Variants in CMSS1 observed in about 807,000 individuals in gnomAD.
CMSS1 encodes the protein protein CMSS1.
A neutral mutation model predicts 43.5 loss-of-function variants in CMSS1; 33 were observed. The observed-to-expected ratio is 0.76, with a 90% CI of 0.57 to 1.01. The LOEUF (loss-of-function observed/expected upper bound fraction) is 1.01, where lower values mean the gene tolerates loss of function less well. Among genes scored for constraint, CMSS1 ranks in the 50% least tolerant of loss-of-function variants. The pLI is 0.00. For missense variants in CMSS1, 313 were observed against 326.4 expected (o/e 0.96, Z 0.32); for synonymous variants, 115 against 117.2 (o/e 0.98, Z 0.12).
At chr3:100,055,934 A>G (rs2065457058) in intron 1 of CMSS1, among the ~76,000 whole-genome samples, 1 of 152,128 alleles carries the variant, frequency 6.6e-6, no homozygotes, top group African/African-American at 2.4e-5. Flanking sequence ...TTCTGATAGG[A>G]TAGATTGTAT....
intron 8 of CMSS1, among the ~76,000 whole-genome samples, chr3:100,173,361 A>T (rs1476455731): frequency 6.6e-6 from 1 of 152,184 alleles, no homozygotes; most frequent in Non-Finnish European, 1.5e-5. Flanking sequence ...TTTAGCACTC[A>T]CAGCATCCTT....
chr3:100,067,145 C>T (rs541799590), intron 1 of CMSS1, among the ~76,000 whole-genome samples: 38 of 151,502 alleles, frequency 2.5e-4, no homozygotes, highest in African/African-American at 9.2e-4. Flanking sequence ...AACTCTGAAG[C>T]CCTGGCTATG....
intron 1 of CMSS1, among the ~76,000 whole-genome samples, chr3:99,929,117 A>T (rs1320194336): frequency 6.6e-6 from 1 of 152,244 alleles, no homozygotes; most frequent in African/African-American, 2.4e-5. Context: ...AAAATGAAAA[A>T]TTATGAAATT....
At chr3:100,171,442 A>G (rs984250535) in intron 6 of CMSS1, among the ~76,000 whole-genome samples, 18 of 152,072 alleles carry the variant, frequency 1.2e-4, no homozygotes, top group African/African-American at 4.3e-4. Context: ...ACGAGCTGAC[A>G]TCACCGCTCC....
intron 1 of CMSS1, among the ~76,000 whole-genome samples, chr3:100,046,524 TC>T (rs1030064893): frequency 4.2e-4 from 64 of 152,142 alleles, no homozygotes; most frequent in African/African-American, 1.4e-3. Flanking sequence ...AATCTAGAAT[TC>T]CCCAACTCCC....
At chr3:100,119,582 G>T (rs147253399) in intron 1 of CMSS1, among the ~76,000 whole-genome samples, 1 of 152,188 alleles carries the variant, frequency 6.6e-6, no homozygotes, top group Non-Finnish European at 1.5e-5. Flanking sequence ...ACACATCATA[G>T]AATTGATGCA....
chr3:100,085,374 GA>G (rs2065991503), intron 1 of CMSS1, among the ~76,000 whole-genome samples: 1 of 152,066 alleles, frequency 6.6e-6, no homozygotes, highest in African/African-American at 2.4e-5. Flanking sequence ...CTCATGTAGG[GA>G]AAAATGACTG....
At chr3:100,171,286 G>A (rs1201025413) in intron 6 of CMSS1, among the ~76,000 whole-genome samples, 4 of 151,918 alleles carry the variant, frequency 2.6e-5, no homozygotes, top group Non-Finnish European at 4.4e-5. Flanking sequence ...ATTTTATAGA[G>A]GAATTTAGTC....
At chr3:100,123,718 C>G (rs73144470) in intron 1 of CMSS1, among the ~76,000 whole-genome samples, 5,071 of 152,258 alleles carry the variant, frequency 0.033, 148 homozygotes, top group East Asian at 0.17. Context: ...AAGCATTTCT[C>G]TCTGCCTGAT....
At chr3:100,087,962 C>CT (rs944694149) in intron 1 of CMSS1, among the ~76,000 whole-genome samples, 4 of 151,512 alleles carry the variant, frequency 2.6e-5, no homozygotes, top group African/African-American at 9.7e-5. Context: ...TCTCAAGTAG[C>CT]TGGGATTACA....
chr3:100,165,338 T>C (rs2067057405), intron 4 of CMSS1, among the ~76,000 whole-genome samples: 1 of 152,196 alleles, frequency 6.6e-6, no homozygotes, highest in Non-Finnish European at 1.5e-5. Flanking sequence ...TATATTGTTT[T>C]TTATTGTATT....
intron 1 of CMSS1, among the ~76,000 whole-genome samples, chr3:99,958,033 G>A (rs1576600651): frequency 6.8e-6 from 1 of 147,994 alleles, no homozygotes; most frequent in Admixed American, 6.7e-5. Flanking sequence ...TTATATAAAG[G>A]CTCAATGGGC....
In CMSS1 at chr3:99,924,210, T is replaced by A. The variant is rs1167290420; in HGVS notation, c.64+106167T>A. ...TCATAGATTGCAGAATGGGACATTGTTTGCCCAAAGCAGCCTTACCTTTCA... is the reference window on the plus strand; with the variant it reads ...TCATAGATTGCAGAATGGGACATTGATTGCCCAAAGCAGCCTTACCTTTCA... On this transcript the variant is annotated intron_variant, in intron 1 of 9. Transcript: ENST00000421999. 3 of 1,607,234 alleles carry A rather than the reference T, an allele frequency of 1.9e-6. No individual in the cohort carries two copies. In the East Asian group the frequency reaches 6.7e-5, roughly 36 times the overall value.
At chr3:100,096,164 A>G (rs186301240) in intron 1 of CMSS1, among the ~76,000 whole-genome samples, 36 of 152,302 alleles carry the variant, frequency 2.4e-4, no homozygotes, top group South Asian at 2.3e-3. Context: ...TGTTGGTGGG[A>G]ATGAAAATTG....
At chr3:99,914,760 G>A (rs530386109) in intron 1 of CMSS1, among the ~76,000 whole-genome samples, 1 of 152,232 alleles carries the variant, frequency 6.6e-6, no homozygotes, top group Admixed American at 6.5e-5. Flanking sequence ...TCATTGGAAT[G>A]TGAGGCCATT....
chr3:99,991,916 G>GTA (rs1196916188), intron 1 of CMSS1, among the ~76,000 whole-genome samples: 4 of 142,556 alleles, frequency 2.8e-5, no homozygotes, highest in Non-Finnish European at 3.1e-5. Context: ...ACATATATAG[G>GTA]TATATATACA....
chr3:99,884,767 C>A (rs1705839043), intron 1 of CMSS1, among the ~76,000 whole-genome samples: 1 of 152,194 alleles, frequency 6.6e-6, no homozygotes, highest in Non-Finnish European at 1.5e-5. Flanking sequence ...CATTTTTGTA[C>A]AATTTAACCA....
At chr3:100,152,400 T>C (rs2066926965) in intron 2 of CMSS1, among the ~76,000 whole-genome samples, 1 of 151,974 alleles carries the variant, frequency 6.6e-6, no homozygotes, top group Non-Finnish European at 1.5e-5. Context: ...CTTCTGGGGG[T>C]TCACTCCATT....
chr3:100,087,334 A>G (rs1194101857), intron 1 of CMSS1, among the ~76,000 whole-genome samples: 1 of 152,226 alleles, frequency 6.6e-6, no homozygotes, highest in Non-Finnish European at 1.5e-5. Context: ...GAGAAATTCC[A>G]GTTGCTCAGC....
Sources: allele counts gnomAD v4.1 joint callset (sites outside exome capture counted in the v4.1 genomes callset), GRCh38; gene constraint gnomAD v4.1.1; transcripts MANE v1.5; gene names NCBI Gene and HGNC (gene_info 2026-07-23, HGNC 2026-07-21).